ABCA5: variants seen among roughly 807,000 people sequenced by gnomAD.
The protein encoded by ABCA5 is cholesterol transporter ABCA5.
ABCA5 carries 163 observed loss-of-function variants against 206.0 expected under a neutral mutation model. The observed-to-expected ratio is 0.79, with a 90% CI of 0.70 to 0.90. The LOEUF (loss-of-function observed/expected upper bound fraction) is 0.90, where lower values mean the gene tolerates loss of function less well. Ranked by LOEUF, ABCA5 falls within the 40% of genes least tolerant of loss-of-function variation. ABCA5 has a pLI of 0.00. For missense variants in ABCA5, 1,859 were observed against 1,912.9 expected (o/e 0.97, Z 0.53); for synonymous variants, 609 against 613.8 (o/e 0.99, Z 0.11).
chr17:69,245,046 A>G lies in ABCA5; in HGVS notation c.*2491T>C, dbSNP rs528531845. On this transcript the variant is annotated 3_prime_UTR_variant, in exon 39 of 39. Coordinates refer to ENST00000392676, the MANE Select transcript of ABCA5 (RefSeq NM_172232.4). ...ATTTCTGGAAACATAATCACTTAAAATATTTGTTAAATTACATTACTCTAA... is the reference window on the plus strand; with the variant it reads ...ATTTCTGGAAACATAATCACTTAAAGTATTTGTTAAATTACATTACTCTAA... 2.6e-5 allele frequency: 4 copies of G among 151,580 alleles called. No homozygotes were observed. Among genetic ancestry groups the G allele is most frequent in the African/African-American group, 4.8e-5 (2 of 41,398 alleles). The allele number at this position is 151,580 out of a possible 1,614,324, so 9.4% of individuals were successfully genotyped here.
At chr17:69,311,141 C>A (rs747252768) in intron 3 of ABCA5, among the ~76,000 whole-genome samples, 1 of 151,974 alleles carries the variant, frequency 6.6e-6, no homozygotes, top group Non-Finnish European at 1.5e-5. Context: ...CTGCAGTGAG[C>A]TGAGATCACA....
At chr17:69,254,237 T>C (rs1319876567) in intron 32 of ABCA5, 78 bp downstream of exon 32, 11 of 1,199,188 alleles carry the variant, frequency 9.2e-6, no homozygotes, top group East Asian at 4.9e-5. Flanking sequence ...ACAGAAATGC[T>C]TGTTATGAAA....
At chr17:69,303,174 G>T (rs1211671006) in intron 7 of ABCA5, among the ~76,000 whole-genome samples, 1 of 152,146 alleles carries the variant, frequency 6.6e-6, no homozygotes, top group Non-Finnish European at 1.5e-5. Context: ...CTGAAGTGCA[G>T]TGGTGCCATC....
chr17:69,287,535 C>T (rs116888803), intron 15 of ABCA5, 78 bp downstream of exon 15: 60,923 of 1,477,656 alleles, frequency 0.041, 1,407 homozygotes, highest in Middle Eastern at 0.058. Context: ...CTATTTATAC[C>T]TCAGGAATTA....
chr17:69,297,027 G>T (rs1186543894), intron 10 of ABCA5, among the ~76,000 whole-genome samples, 164 bp downstream of exon 10: 3 of 152,092 alleles, frequency 2.0e-5, no homozygotes, highest in Non-Finnish European at 4.4e-5. Flanking sequence ...CTAAATGGTT[G>T]CAAAGAAAAT....
intron 26 of ABCA5, 83 bp from the exon 27 acceptor site, chr17:69,260,495 C>T: frequency 2.2e-6 from 2 of 919,694 alleles, no homozygotes; most frequent in Non-Finnish European, 3.3e-6. Context: ...TTTTGTTTAG[C>T]AAACGTGTAC....
rs757778832 is a variant in ABCA5 at position 69,255,787 on chromosome 17, AAAG to A, written c.3919_3921del (p.Leu1307del). ...GTTGCCACTTTCTTTACTTTTCTTGAAAGAAGAAAATCTTTCTTGTCATCATAT... is the reference window on the plus strand; with the variant it reads ...GTTGCCACTTTCTTTACTTTTCTTGAAAGAAAATCTTTCTTGTCATCATAT... On this transcript the variant is annotated inframe_deletion, in exon 30 of 39. Coordinates refer to ENST00000392676, the MANE Select transcript of ABCA5 (RefSeq NM_172232.4). The A allele has an allele frequency of 1.9e-6, 3 of 1,598,104 alleles. No homozygotes were observed. The highest frequency in any genetic ancestry group is 3.5e-5 in the Admixed American group (2 of 56,622).
At position 69,290,054 on chromosome 17, in the gene ABCA5, T is replaced by C; in HGVS notation, c.1607-17A>G. On this transcript the variant is annotated splice_polypyrimidine_tract_variant and intron_variant, in intron 12 of 38. Transcript: ENST00000392676. ...ATGCAAACCCTAAAAGCAAAATATA[T>C]ATTTAAATGTACATTAATTATTTTA... 1 of 1,467,272 alleles carries C rather than the reference T, an allele frequency of 6.8e-7. No homozygotes were observed. Among genetic ancestry groups the C allele is most frequent in the East Asian group, 2.4e-5 (1 of 41,592 alleles). The allele number at this position is 1,467,272 out of a possible 1,614,324, so 90.9% of individuals were successfully genotyped here. A position where few individuals can be genotyped will look rare whatever the true frequency, so the allele number is the denominator to read the frequency against.
intron 18 of ABCA5, among the ~76,000 whole-genome samples, chr17:69,278,300 A>T (rs1324661806): frequency 6.6e-6 from 1 of 152,176 alleles, no homozygotes; most frequent in Non-Finnish European, 1.5e-5. Context: ...AGATCTTATT[A>T]TCTCTGTATC....
rs1355630854 is a variant in ABCA5, at chr17:69,261,279, A to G, written c.3430-20T>C. ...CGCTGCCTAAAGAAAAAAATAAATAAATAAAAGTGACAAAGTGTTTAGAAA... is the reference window on the plus strand; with the variant it reads ...CGCTGCCTAAAGAAAAAAATAAATAGATAAAAGTGACAAAGTGTTTAGAAA... On this transcript the variant is annotated intron_variant, in intron 25 of 38. Transcript: ENST00000392676. 1 of 1,578,922 alleles carries G rather than the reference A, an allele frequency of 6.3e-7. No individual in the cohort carries two copies.
At chr17:69,303,469 T>C (rs77922900) in intron 7 of ABCA5, among the ~76,000 whole-genome samples, 15,470 of 151,592 alleles carry the variant, frequency 0.1, 841 homozygotes, top group Non-Finnish European at 0.11. Flanking sequence ...TAGGTAAACA[T>C]GACCACCTCT....
chr17:69,289,414 T>C, intron 13 of ABCA5, 118 bp from the exon 14 acceptor site: 1 of 759,926 alleles, frequency 1.3e-6, no homozygotes, highest in Non-Finnish European at 1.8e-6. Flanking sequence ...TAACATAGGT[T>C]TTTAAATAAT....
intron 29 of ABCA5, 80 bp from the exon 30 acceptor site, chr17:69,255,930 A>G: frequency 8.2e-7 from 1 of 1,215,774 alleles, no homozygotes. Flanking sequence ...TCATATCCAT[A>G]TTACAAAAAT....
intron 19 of ABCA5, among the ~76,000 whole-genome samples, chr17:69,276,399 A>AT (rs1441665809): frequency 6.6e-6 from 1 of 151,926 alleles, no homozygotes; most frequent in Admixed American, 6.6e-5. Flanking sequence ...TATTTTAATT[A>AT]TTTTTCTGAG....
intron 10 of ABCA5, among the ~76,000 whole-genome samples, chr17:69,295,301 G>A (rs1292805842): frequency 6.6e-6 from 1 of 152,084 alleles, no homozygotes; most frequent in African/African-American, 2.4e-5. Flanking sequence ...TGCTTCTTGA[G>A]AGCACTTCCA....
In ABCA5 at chr17:69,270,656, T is replaced by C; in HGVS notation, c.2987A>G (p.Asn996Ser). Residue 996 changes from asparagine (N) to serine (S), a missense_variant, in exon 22 of 39, where the codon AAT becomes AGT. Transcript: ENST00000392676. ...IISNYYLYHL[N>S]VTETIQIWST... The stretch of plus-strand genomic sequence containing the variant: ...CCAGATCTGGATGGTTTCAGTCACA[T>C]TTAAATGATAAAGATAGTAGTTACT... 6.2e-7 allele frequency: 1 copy of C among 1,604,014 alleles called. No homozygotes were observed. Among genetic ancestry groups the C allele is most frequent in the Non-Finnish European group, 8.5e-7 (1 of 1,176,178 alleles).
intron 24 of ABCA5, 27 bp downstream of exon 24, chr17:69,264,708 G>T: frequency 2.1e-6 from 3 of 1,397,770 alleles, no homozygotes; most frequent in Non-Finnish European, 2.8e-6. Flanking sequence ...TCTATAAATA[G>T]CATGAGTACA....
chr17:69,259,823 A>C, intron 27 of ABCA5, 26 bp from the exon 28 acceptor site: 85 of 1,396,316 alleles, frequency 6.1e-5, no homozygotes, highest in Non-Finnish European at 7.6e-5. Flanking sequence ...GTAGCAGCTC[A>C]TGACTAAAAG....
chr17:69,314,536 T>G, intron 1 of ABCA5, 106 bp from the exon 2 acceptor site: 1 of 652,222 alleles, frequency 1.5e-6, no homozygotes, highest in Non-Finnish European at 2.7e-6. Flanking sequence ...GTAAGATGGA[T>G]TAAGCATACT....
Sources: gnomAD v4.1 joint callset for allele counts (sites outside exome capture counted in the v4.1 genomes callset) on GRCh38, gnomAD v4.1.1 for gene constraint, MANE v1.5 for transcripts, NCBI Gene and HGNC (gene_info 2026-07-23, HGNC 2026-07-21) for gene names.